Variants in MECOM observed in about 807,000 individuals in gnomAD.
MECOM encodes the protein MDS1 and EVI1 complex locus.
Under a neutral mutation model 116.3 loss-of-function variants are expected in MECOM, and 13 were observed. The ratio of observed to expected loss-of-function variants is 0.11; its 90% CI spans 0.07 to 0.18. The LOEUF (loss-of-function observed/expected upper bound fraction) is 0.18, where lower values mean the gene tolerates loss of function less well. Ranked by LOEUF, MECOM falls within the 10% of genes least tolerant of loss-of-function variation. MECOM has a pLI of 1.00. For synonymous variants in MECOM, 528 were observed against 535.2 expected, an observed-to-expected ratio of 0.99 and a Z score of 0.19; for missense variants, 1,299 against 1,509.0, an observed-to-expected ratio of 0.86 and a Z score of 2.31.
At chr3:169,563,613 G>A (rs928699526) in intron 1 of MECOM, among the ~76,000 whole-genome samples, 2 of 151,984 alleles carry the variant, frequency 1.3e-5, no homozygotes, top group Non-Finnish European at 2.9e-5. Flanking sequence ...TGAATATCCC[G>A]GAAGCTTTTT....
chr3:169,507,650 CTTTT>C (rs1165167849), intron 1 of MECOM, among the ~76,000 whole-genome samples: 21 of 57,140 alleles, frequency 3.7e-4, no homozygotes, highest in African/African-American at 9.8e-4. Context: ...TCCCCACTTG[CTTTT>C]TTTTTTTTTT....
At chr3:169,353,295 C>T (rs937214665) in intron 2 of MECOM, among the ~76,000 whole-genome samples, 3 of 151,864 alleles carry the variant, frequency 2.0e-5, no homozygotes, top group Non-Finnish European at 4.4e-5. Flanking sequence ...TCAACTACTT[C>T]ATCAATTTTG....
intron 1 of MECOM, among the ~76,000 whole-genome samples, chr3:169,543,466 T>C (rs1760349378): frequency 6.6e-6 from 1 of 152,142 alleles, no homozygotes; most frequent in South Asian, 2.1e-4. Flanking sequence ...TCCTAGCTAC[T>C]TGGGAGGCTG....
chr3:169,427,094 A>G (rs1188105616), intron 1 of MECOM, among the ~76,000 whole-genome samples: 1 of 152,064 alleles, frequency 6.6e-6, no homozygotes, highest in Non-Finnish European at 1.5e-5. Context: ...TTCTTTTTTA[A>G]AGCCTCTTCG....
At chr3:169,388,757 A>G (rs1733778548) in intron 1 of MECOM, among the ~76,000 whole-genome samples, 1 of 152,216 alleles carries the variant, frequency 6.6e-6, no homozygotes, top group Non-Finnish European at 1.5e-5. Context: ...AGATACGACC[A>G]TTATGTTTGG....
intron 2 of MECOM, among the ~76,000 whole-genome samples, chr3:169,238,174 CAAAAA>C (rs869078937): frequency 9.7e-5 from 7 of 72,076 alleles, no homozygotes; most frequent in South Asian, 5.0e-4. Context: ...GACTCCATCT[CAAAAA>C]AAAAAAAAAA....
At chr3:169,373,840 T>A (rs1730559486) in intron 2 of MECOM, among the ~76,000 whole-genome samples, 1 of 152,012 alleles carries the variant, frequency 6.6e-6, no homozygotes, top group African/African-American at 2.4e-5. Flanking sequence ...ATTCCTTGCC[T>A]CCTCTTTCAG....
chr3:169,448,597 A>G (rs1397337447), intron 1 of MECOM, among the ~76,000 whole-genome samples: 3 of 152,208 alleles, frequency 2.0e-5, no homozygotes, highest in Non-Finnish European at 2.9e-5. Flanking sequence ...ATTTTAGAAT[A>G]GCATCCACAG....
Position 169,115,903 on chromosome 3 carries a change from C to A in MECOM, c.1969G>T (p.Ala657Ser). ...SLEEQTAVSG[A>S]VNDSIKAIAS... ...ATAGCCTTTATAGAATCATTCACAG[C>A]TCCTGACACCGCAGTCTGCTCCTCT... Residue 657 changes from alanine to serine, a missense_variant, in exon 8 of 17, where the codon GCT (alanine) becomes TCT (serine). Around this residue, in one of 6 missense-constraint regions of MECOM, gnomAD observed 340 missense variants for 312.6 expected, o/e 1.09. Coordinates refer to ENST00000651503, the MANE Select transcript of MECOM (RefSeq NM_004991.4). The A allele has an allele frequency of 6.2e-7, 1 of 1,614,088 alleles. No individual in the cohort carries two copies. Among genetic ancestry groups the A allele is most frequent in the Non-Finnish European group, 8.5e-7 (1 of 1,180,030 alleles).
intron 2 of MECOM, among the ~76,000 whole-genome samples, chr3:169,328,489 A>G (rs918991717): frequency 1.3e-5 from 2 of 152,188 alleles, no homozygotes; most frequent in African/African-American, 4.8e-5. Flanking sequence ...ACTGAACTAA[A>G]TTATTCTGCA....
In MECOM at chr3:169,614,127, C is replaced by T. The variant is rs148584104; in HGVS notation, c.37+49209G>A. On this transcript the variant is annotated intron_variant, in intron 1 of 16. Transcript: ENST00000651503. The stretch of plus-strand genomic sequence containing the variant: ...TTTTTCTTTTTTCTTTTTTTTTTCT[C>T]TCTCTCTCTCTTTCTCTCTCTCATC... Among the ~76,000 whole-genome samples, 83 of 129,266 alleles carry T rather than the reference C, an allele frequency of 6.4e-4. 2 individuals are homozygous for T. In the East Asian group the frequency reaches 0.015, roughly 23 times the overall value. 84.8% of individuals were successfully genotyped at this position (129,266 alleles called of 152,430 possible). A position where few individuals can be genotyped will look rare whatever the true frequency, so the allele number is the denominator to read the frequency against.
intron 2 of MECOM, among the ~76,000 whole-genome samples, chr3:169,322,720 G>A (rs146654022): frequency 7.9e-5 from 12 of 152,000 alleles, no homozygotes; most frequent in East Asian, 5.8e-4. Context: ...ATAAAAGGCC[G>A]GCCACAGTGG....
At chr3:169,550,043 G>A (rs1761191405) in intron 1 of MECOM, among the ~76,000 whole-genome samples, 1 of 152,158 alleles carries the variant, frequency 6.6e-6, no homozygotes, top group Admixed American at 6.5e-5. Context: ...AAGGAGGAAA[G>A]GCTAGCTTGA....
At chr3:169,120,963 C>T in intron 7 of MECOM, 93 bp downstream of exon 7, 3 of 1,362,792 alleles carry the variant, frequency 2.2e-6, no homozygotes, top group South Asian at 3.2e-5. Context: ...CACGGTGACC[C>T]TCTAAAGGCC....
chr3:169,255,991 G>T (rs1164442756), intron 2 of MECOM, among the ~76,000 whole-genome samples: 2 of 151,998 alleles, frequency 1.3e-5, no homozygotes, highest in African/African-American at 2.4e-5. Context: ...TTGACATTAT[G>T]ACTAAATTTA....
chr3:169,288,278 A>G (rs1031945683), intron 2 of MECOM, among the ~76,000 whole-genome samples: 3 of 152,144 alleles, frequency 2.0e-5, no homozygotes, highest in Non-Finnish European at 2.9e-5. Flanking sequence ...AACCTGGGGA[A>G]TAGGCAAGAA....
chr3:169,382,407 G>A (rs1464003296), intron 1 of MECOM, among the ~76,000 whole-genome samples: 1 of 152,064 alleles, frequency 6.6e-6, no homozygotes, highest in Non-Finnish European at 1.5e-5. Context: ...CACTGAGCAC[G>A]GAGGACCTGA....
Position 169,483,200 on chromosome 3 carries a change from T to A in MECOM, c.38-101676A>T, listed in dbSNP as rs1293300451. 6.9e-3 allele frequency among the ~76,000 whole-genome samples: 853 copies of A among 122,790 alleles called. 6 individuals are homozygous for A. The highest frequency in any genetic ancestry group is 9.2e-3 in the Non-Finnish European group (560 of 60,826). The allele number at this position is 122,790 out of a possible 152,430, so 80.6% of individuals were successfully genotyped here. ...AAAAACCATTGTTTTATTTTTATTTTTATTTTTTTTTTTTTTTTGCCCAGA... is the reference window on the plus strand; with the variant it reads ...AAAAACCATTGTTTTATTTTTATTTATATTTTTTTTTTTTTTTTGCCCAGA... On this transcript the variant is annotated intron_variant, in intron 1 of 16. Transcript: ENST00000651503.
chr3:169,307,183 T>G (rs923905492), intron 2 of MECOM, among the ~76,000 whole-genome samples: 1 of 152,172 alleles, frequency 6.6e-6, no homozygotes, highest in Non-Finnish European at 1.5e-5. Flanking sequence ...TCTTAGACTT[T>G]CTTTCTCCCT....
Sources: gnomAD v4.1 joint callset for allele counts (sites outside exome capture counted in the v4.1 genomes callset) on GRCh38, gnomAD v4.1.1 for gene constraint, gnomAD v4.1.1 regional missense constraint, MANE v1.5 for transcripts, NCBI Gene and HGNC (gene_info 2026-07-23, HGNC 2026-07-21) for gene names.